The following CHRM5 variants were observed in gnomAD, a reference collection of about 807,000 sequenced individuals.
CHRM5 encodes cholinergic receptor muscarinic 5, also known as muscarinic acetylcholine receptor M5.
In CHRM5, 18 loss-of-function variants were observed where a neutral mutation model predicts 39.0. The ratio of observed to expected loss-of-function variants is 0.46; its 90% CI spans 0.32 to 0.68. The LOEUF is 0.68. Ranked by LOEUF, CHRM5 falls within the 30% of genes least tolerant of loss-of-function variation. CHRM5 has a pLI of 0.04. For synonymous variants in CHRM5, 241 were observed against 246.3 expected, an observed-to-expected ratio of 0.98 and a Z score of 0.20; for missense variants, 515 against 651.1, an observed-to-expected ratio of 0.79 and a Z score of 2.28.
Position 34,064,637 on chromosome 15 carries a change from G to T in CHRM5, c.*321G>T, listed in dbSNP as rs1455478887. The T allele has an allele frequency of 3.2e-6, 1 of 315,182 alleles. No homozygotes were observed. Among genetic ancestry groups the T allele is most frequent in the Non-Finnish European group, 6.1e-6 (1 of 162,726 alleles). The allele number at this position is 315,182 out of a possible 1,614,324, so 19.5% of individuals were successfully genotyped here. A position where few individuals can be genotyped will look rare whatever the true frequency, so the allele number is the denominator to read the frequency against. On this transcript the variant is annotated 3_prime_UTR_variant, in exon 3 of 3. Coordinates refer to ENST00000383263, the MANE Select transcript of CHRM5 (RefSeq NM_012125.4). ...ATGAACAGTGACTCAGGGAACTTAT[G>T]CCCCTTCTGTAGGAAACAGCAGAGA... is the stretch of plus-strand genomic sequence containing the variant.
intron 1 of CHRM5, among the ~76,000 whole-genome samples, chr15:33,985,815 C>A (rs1297714194): frequency 6.6e-6 from 1 of 152,084 alleles, no homozygotes; most frequent in Non-Finnish European, 1.5e-5. Context: ...AAGCTTCATT[C>A]TATTAATTTC....
intron 1 of CHRM5, among the ~76,000 whole-genome samples, chr15:34,008,620 C>T (rs1897481443): frequency 6.6e-6 from 1 of 150,696 alleles, no homozygotes; most frequent in Non-Finnish European, 1.5e-5. Flanking sequence ...TCCCAAGTAG[C>T]TGGGACCACA....
rs116801843 is a variant in CHRM5, at chr15:34,061,416, G to A, written c.-75-1227G>A. ...GATGTACTGATAAAAAGCTGTCTGT[G>A]ATAATTCATTTGTTAAGTAAAAAAC... On this transcript the variant is annotated intron_variant, in intron 2 of 2. Coordinates refer to ENST00000383263, the MANE Select transcript of CHRM5 (RefSeq NM_012125.4). Among the ~76,000 whole-genome samples the A allele has an allele frequency of 5.8e-3, 878 of 152,192 alleles. 6 individuals are homozygous for A. The highest frequency in any genetic ancestry group is 0.019 in the African/African-American group (799 of 41,538).
At chr15:34,062,572 A>C (rs928544856) in intron 2 of CHRM5, 71 bp from the exon 3 acceptor site, 6 of 657,260 alleles carry the variant, frequency 9.1e-6, no homozygotes, top group East Asian at 5.7e-5. Context: ...AAAAAAAAAA[A>C]AACTATAAAC....
intron 1 of CHRM5, among the ~76,000 whole-genome samples, chr15:33,976,509 G>T (rs558560900): frequency 6.6e-6 from 1 of 152,056 alleles, no homozygotes; most frequent in Admixed American, 6.5e-5. Context: ...GATTTTTTAT[G>T]GCCTCTCCAT....
chr15:34,044,886 A>G (rs1899629482), intron 1 of CHRM5, among the ~76,000 whole-genome samples: 1 of 152,156 alleles, frequency 6.6e-6, no homozygotes, highest in African/African-American at 2.4e-5. Flanking sequence ...CCGTCTCTTA[A>G]AAATACAAAA....
At chr15:34,049,677 CA>C (rs2140823422) in intron 2 of CHRM5, among the ~76,000 whole-genome samples, 1 of 152,160 alleles carries the variant, frequency 6.6e-6, no homozygotes, top group Admixed American at 6.5e-5. Context: ...TGAAAAAATG[CA>C]GAGAACCCCA....
At chr15:34,038,481 C>T (rs1475758680) in intron 1 of CHRM5, among the ~76,000 whole-genome samples, 1 of 152,194 alleles carries the variant, frequency 6.6e-6, no homozygotes, top group African/African-American at 2.4e-5. Context: ...GCAGCCCTGA[C>T]ACACGGCCTT....
intron 2 of CHRM5, among the ~76,000 whole-genome samples, chr15:34,051,393 AG>A (rs1899920078): frequency 6.6e-6 from 1 of 152,236 alleles, no homozygotes; most frequent in South Asian, 2.1e-4. Context: ...AAAGCTAGAA[AG>A]ATCTCAAGTT....
intron 1 of CHRM5, among the ~76,000 whole-genome samples, chr15:34,040,520 A>G (rs973959901): frequency 6.6e-6 from 1 of 152,214 alleles, no homozygotes; most frequent in African/African-American, 2.4e-5. Context: ...ACACTATTCT[A>G]CATACTTCTC....
intron 1 of CHRM5, among the ~76,000 whole-genome samples, chr15:33,979,830 T>C (rs1390783613): frequency 6.6e-6 from 1 of 152,226 alleles, no homozygotes; most frequent in Non-Finnish European, 1.5e-5. Context: ...ATGCAATGCA[T>C]ATATGCTTAT....
At chr15:34,007,985 G>C (rs1432397517) in intron 1 of CHRM5, among the ~76,000 whole-genome samples, 1 of 152,186 alleles carries the variant, frequency 6.6e-6, no homozygotes, top group Non-Finnish European at 1.5e-5. Flanking sequence ...AATCAAGTAA[G>C]ACCTTACTTT....
rs1163488185 is a variant in CHRM5 at position 34,064,115 on chromosome 15, C to T, written c.1398C>T (p.Thr466=). The T allele has an allele frequency of 1.2e-6, 2 of 1,614,194 alleles. No individual in the cohort carries two copies. The highest frequency in any genetic ancestry group is 1.1e-5 in the South Asian group (1 of 91,080). The change falls in exon 3 of 3, where the codon ACC becomes ACT. Residue 466 remains threonine, a synonymous_variant. Transcript: ENST00000383263. ...TPYNIMVLVS[T]FCDKCVPVTL... Reference sequence around the variant, plus strand: ...ATAACATCATGGTCCTGGTTTCTACCTTCTGTGACAAGTGTGTCCCAGTCA... The same window carrying T: ...ATAACATCATGGTCCTGGTTTCTACTTTCTGTGACAAGTGTGTCCCAGTCA...
chr15:33,995,719 A>G (rs1896904640), intron 1 of CHRM5, among the ~76,000 whole-genome samples: 1 of 152,218 alleles, frequency 6.6e-6, no homozygotes, highest in African/African-American at 2.4e-5. Flanking sequence ...GTGGGACATT[A>G]TATCATTTGG....
intron 1 of CHRM5, among the ~76,000 whole-genome samples, chr15:34,005,149 A>G (rs946839218): frequency 6.6e-6 from 1 of 152,158 alleles, no homozygotes; most frequent in African/African-American, 2.4e-5. Context: ...ATATTTATAT[A>G]TACTTCTTTT....
chr15:33,970,453 A>G (rs1018631216), intron 1 of CHRM5, among the ~76,000 whole-genome samples: 1 of 151,964 alleles, frequency 6.6e-6, no homozygotes, highest in African/African-American at 2.4e-5. Flanking sequence ...TTTATTTAGA[A>G]ATCTCAAAAT....
At chr15:34,022,700 A>T (rs963046597) in intron 1 of CHRM5, among the ~76,000 whole-genome samples, 1 of 152,230 alleles carries the variant, frequency 6.6e-6, no homozygotes, top group Admixed American at 6.5e-5. Flanking sequence ...TGCTTCACAG[A>T]ATTTTAAAGA....
intron 1 of CHRM5, among the ~76,000 whole-genome samples, chr15:33,993,035 A>G (rs1190897762): frequency 6.6e-6 from 1 of 152,228 alleles, no homozygotes; most frequent in Non-Finnish European, 1.5e-5. Flanking sequence ...CGTTTTCTTC[A>G]ATATTGATCC....
intron 1 of CHRM5, among the ~76,000 whole-genome samples, chr15:33,978,044 G>A (rs1436532687): frequency 1.3e-5 from 2 of 151,436 alleles, no homozygotes; most frequent in Admixed American, 6.6e-5. Context: ...GATGGAGGAG[G>A]AAGCGAGAGA....
Sources: allele counts gnomAD v4.1 joint callset (sites outside exome capture counted in the v4.1 genomes callset), GRCh38; gene constraint gnomAD v4.1.1; transcripts MANE v1.5; gene names NCBI Gene and HGNC (gene_info 2026-07-23, HGNC 2026-07-21).